Variants in FAM222A observed in about 807,000 individuals in gnomAD.
FAM222A encodes the protein protein FAM222A.
In FAM222A, 7 loss-of-function variants were observed where a neutral mutation model predicts 25.8. The ratio of observed to expected loss-of-function variants is 0.27; its 90% CI spans 0.15 to 0.51. The LOEUF is 0.51. FAM222A is among the 20% of genes least tolerant of loss of function. FAM222A has a pLI of 0.97. For synonymous variants in FAM222A, 294 were observed against 298.8 expected (o/e 0.98, Z 0.17); for missense variants, 573 against 640.5 (o/e 0.89, Z 1.14).
chr12:109,755,910 C>G (rs899555808), intron 2 of FAM222A, among the ~76,000 whole-genome samples: 1 of 152,202 alleles, frequency 6.6e-6, no homozygotes, highest in Non-Finnish European at 1.5e-5. Context: ...AGTGTAAATC[C>G]TCCAACTTTG....
chr12:109,745,020 TA>T (rs965610034), intron 2 of FAM222A, among the ~76,000 whole-genome samples: 2 of 152,010 alleles, frequency 1.3e-5, no homozygotes, highest in Non-Finnish European at 2.9e-5. Context: ...AATGTGAAAA[TA>T]TTTTTTTTCT....
At chr12:109,726,057 C>T (rs1287252984) in intron 1 of FAM222A, among the ~76,000 whole-genome samples, 7 of 149,572 alleles carry the variant, frequency 4.7e-5, no homozygotes, top group African/African-American at 1.7e-4. Flanking sequence ...CCTGGGCCTC[C>T]TGCCCCGTTC....
At chr12:109,762,831 CA>C (rs1888937199) in intron 2 of FAM222A, among the ~76,000 whole-genome samples, 1 of 152,246 alleles carries the variant, frequency 6.6e-6, no homozygotes, top group African/African-American at 2.4e-5. Context: ...CATTGGCTTC[CA>C]GGGGCCACCG....
In FAM222A at chr12:109,769,494, G is replaced by A. The variant is rs751004558; in HGVS notation, c.*206G>A. ...CATACCAAGGCCCCTCCCCACCATC[G>A]GTTGCCCCAGGACACAGTGAGGGCC... On this transcript the variant is annotated 3_prime_UTR_variant, in exon 3 of 3. Transcript: ENST00000538780. 20 of 632,188 alleles carry A rather than the reference G, an allele frequency of 3.2e-5. No individual in the cohort carries two copies. The highest frequency in any genetic ancestry group is 5.4e-5 in the Non-Finnish European group (20 of 368,598). The allele number at this position is 632,188 out of a possible 1,614,324, so 39.2% of individuals were successfully genotyped here.
intron 1 of FAM222A, among the ~76,000 whole-genome samples, chr12:109,740,461 C>T (rs766518417): frequency 3.3e-5 from 5 of 152,136 alleles, no homozygotes; most frequent in Admixed American, 6.5e-5. Context: ...GAACAGTGCT[C>T]CCTGGATGGT....
At chr12:109,755,723 T>C (rs943468126) in intron 2 of FAM222A, among the ~76,000 whole-genome samples, 13 of 152,266 alleles carry the variant, frequency 8.5e-5, no homozygotes, top group Non-Finnish European at 1.8e-4. Context: ...CAACATTTGT[T>C]GAAGAGACCA....
intron 2 of FAM222A, among the ~76,000 whole-genome samples, chr12:109,767,348 C>T (rs1038681024): frequency 2.0e-5 from 3 of 151,904 alleles, no homozygotes; most frequent in East Asian, 2.0e-4. Flanking sequence ...GCCAACGTGG[C>T]GCAACCCCGT....
At chr12:109,746,966 C>A (rs1888412356) in intron 2 of FAM222A, among the ~76,000 whole-genome samples, 1 of 152,204 alleles carries the variant, frequency 6.6e-6, no homozygotes, top group Non-Finnish European at 1.5e-5. Flanking sequence ...TCTCATTATA[C>A]CAGTTGCGCA....
At chr12:109,743,512 C>T (rs187114890) in intron 1 of FAM222A, among the ~76,000 whole-genome samples, 1 of 152,214 alleles carries the variant, frequency 6.6e-6, no homozygotes, top group Non-Finnish European at 1.5e-5. Context: ...GGGCTGGGCT[C>T]AGGGTGCAGC....
At chr12:109,726,492 A>G (rs571577075) in intron 1 of FAM222A, among the ~76,000 whole-genome samples, 57 of 152,350 alleles carry the variant, frequency 3.7e-4, no homozygotes, top group South Asian at 1.2e-3. Context: ...CAGAGCCTGT[A>G]ACCATTGTAC....
intron 1 of FAM222A, among the ~76,000 whole-genome samples, chr12:109,726,121 A>G (rs1887840050): frequency 8.0e-6 from 1 of 124,882 alleles, no homozygotes; most frequent in African/African-American, 4.1e-5. Context: ...AAAATTGCTA[A>G]AAAAAAAAAA....
chr12:109,752,000 T>G (rs1052246112), intron 2 of FAM222A, among the ~76,000 whole-genome samples: 4 of 152,254 alleles, frequency 2.6e-5, no homozygotes, highest in African/African-American at 9.6e-5. Context: ...TCTCTCACTA[T>G]TCTAAACATT....
At chr12:109,759,092 G>A (rs1280241695) in intron 2 of FAM222A, among the ~76,000 whole-genome samples, 1 of 152,150 alleles carries the variant, frequency 6.6e-6, no homozygotes, top group Non-Finnish European at 1.5e-5. Flanking sequence ...GAAGCAGTAG[G>A]AACCTAGGAC....
At chr12:109,750,864 A>T (rs901765949) in intron 2 of FAM222A, among the ~76,000 whole-genome samples, 1 of 126,348 alleles carries the variant, frequency 7.9e-6, no homozygotes, top group African/African-American at 3.0e-5. Context: ...GCATGTTGCC[A>T]TGGAGAAGCT....
intron 1 of FAM222A, among the ~76,000 whole-genome samples, chr12:109,722,306 C>G (rs1397148116): frequency 6.6e-6 from 1 of 152,186 alleles, no homozygotes; most frequent in Non-Finnish European, 1.5e-5. Flanking sequence ...TAGTAGGGAG[C>G]TCTGGCAGCT....
chr12:109,740,500 C>T (rs1433866525), intron 1 of FAM222A, among the ~76,000 whole-genome samples: 1 of 152,040 alleles, frequency 6.6e-6, no homozygotes, highest in Non-Finnish European at 1.5e-5. Context: ...TGAGTCCAGG[C>T]GGGGACTCTG....
At position 109,714,121 on chromosome 12, in the gene FAM222A, G is replaced by C. The variant is rs938102033; in HGVS notation, c.-823G>C. ...GTGCACAGTCCCCCGGGCCGTCCTC[G>C]TGTCCGTCCTGCGCCACTGGGATCG... On this transcript the variant is annotated 5_prime_UTR_variant, in exon 1 of 3. Coordinates refer to ENST00000538780, the MANE Select transcript of FAM222A (RefSeq NM_032829.3). This position sits in a 1 kb window ranked among gnomAD's most constrained non-coding sequence, Gnocchi z 4.2. 1 of 157,542 alleles carries C rather than the reference G, an allele frequency of 6.3e-6. No individual in the cohort carries two copies. Among genetic ancestry groups the C allele is most frequent in the African/African-American group, 2.4e-5 (1 of 41,382 alleles). The allele number at this position is 157,542 out of a possible 1,614,324, so 9.8% of individuals were successfully genotyped here.
At chr12:109,766,396 G>A (rs1198046890) in intron 2 of FAM222A, among the ~76,000 whole-genome samples, 2 of 152,226 alleles carry the variant, frequency 1.3e-5, no homozygotes, top group African/African-American at 2.4e-5. Flanking sequence ...CAGTCAGCCT[G>A]TAGCACAGAG....
intron 1 of FAM222A, among the ~76,000 whole-genome samples, chr12:109,723,882 G>C (rs762633821): frequency 1.3e-5 from 2 of 152,150 alleles, no homozygotes; most frequent in Non-Finnish European, 2.9e-5. Context: ...GAGTTTAATT[G>C]CAAACAGTTT....
Sources: gnomAD v4.1 joint callset for allele counts (sites outside exome capture counted in the v4.1 genomes callset) on GRCh38, gnomAD v4.1.1 for gene constraint, Gnocchi (gnomAD v3.1) non-coding constraint, MANE v1.5 for transcripts, NCBI Gene and HGNC (gene_info 2026-07-23, HGNC 2026-07-21) for gene names.